The following GJC2 variants were observed in gnomAD, a reference collection of about 807,000 sequenced individuals.
GJC2 encodes the protein gap junction protein gamma 2, also known as gap junction gamma-2 protein.
For missense variants in GJC2, 647 were observed against 648.9 expected (o/e 1.00, Z 0.03); for synonymous variants, 336 against 307.5 (o/e 1.09, Z -0.97).
intron 1 of GJC2, among the ~76,000 whole-genome samples, chr1:228,156,745 C>G (rs2034684565): frequency 6.6e-6 from 1 of 152,220 alleles, no homozygotes; most frequent in Non-Finnish European, 1.5e-5. Flanking sequence ...AGGTACTGGC[C>G]CTGGGGCAAC....
In GJC2 at chr1:228,150,985, G is replaced by A. The variant is rs2034610769; in HGVS notation, c.-20+978G>A. Among the ~76,000 whole-genome samples the A allele has an allele frequency of 6.6e-6, 1 of 151,948 alleles. No individual in the cohort carries two copies. The highest frequency in any genetic ancestry group is 6.5e-5 in the Admixed American group (1 of 15,278). The stretch of plus-strand genomic sequence containing the variant: ...GAGGCTGGCCTGGGGAGCTGCCCAG[G>A]CTTCAGCGATGACACACTCCCAGCC... On this transcript the variant is annotated intron_variant, in intron 1 of 1. Transcript: ENST00000366714. This position sits in a 1 kb window ranked among gnomAD's most constrained non-coding sequence, Gnocchi z 4.6.
At position 228,158,030 on chromosome 1, in the gene GJC2, C is replaced by G; in HGVS notation, c.272C>G (p.Ser91Trp). The G allele has an allele frequency of 6.2e-7, 1 of 1,610,744 alleles. No homozygotes were observed. Among genetic ancestry groups the G allele is most frequent in the Non-Finnish European group, 8.5e-7 (1 of 1,179,530 alleles). ...CAGATTGTGGTCATCTCCACGCCCT[C>G]GGTCATGTACCTGGGCTACGCCGTG... is the stretch of plus-strand genomic sequence containing the variant. ...VFQIVVISTP[S>W]VMYLGYAVHR... Residue 91 changes from serine to tryptophan, a missense_variant, in exon 2 of 2, where the codon TCG (serine) becomes TGG (tryptophan). Physicochemically the swap from Ser to Trp is radical, Grantham distance 177. Transcript: ENST00000366714. The surrounding 1 kb of genome is among the most constrained non-coding windows in gnomAD (Gnocchi z 8.3).
At chr1:228,154,034 A>G (rs930768491) in intron 1 of GJC2, among the ~76,000 whole-genome samples, 3 of 152,098 alleles carry the variant, frequency 2.0e-5, no homozygotes, top group African/African-American at 7.2e-5. Context: ...GTTCTTATAG[A>G]CCTCACACCC....
rs543481065 is a variant in GJC2, at chr1:228,158,131, C to T, written c.373C>T (p.Arg125Ter). 2.4e-6 allele frequency: 3 copies of T among 1,253,962 alleles called. No individual in the cohort carries two copies. Among genetic ancestry groups the T allele is most frequent in the African/African-American group, 1.6e-5 (1 of 62,218 alleles). 77.7% of individuals were successfully genotyped at this position (1,253,962 alleles called of 1,614,324 possible). A position where few individuals can be genotyped will look rare whatever the true frequency, so the allele number is the denominator to read the frequency against. Residue 125 changes from arginine (R) to a stop codon, truncating the protein, a stop_gained, in exon 2 of 2, where the codon CGA (arginine) becomes TGA (stop). Coordinates refer to ENST00000366714, the MANE Select transcript of GJC2 (RefSeq NM_020435.4). LOFTEE classifies it low-confidence loss of function (END_TRUNC). The surrounding 1 kb of genome is among the most constrained non-coding windows in gnomAD (Gnocchi z 8.3). ...RRRPGPRRAP[R>*]AHLPPPHAGW... ...CCGCCCGGGGCCACGCCGCGCGCCC[C>T]GAGCGCACCTGCCGCCCCCGCACGC...
In GJC2 at chr1:228,158,778, C is replaced by A. The variant is rs1450786228; in HGVS notation, c.1020C>A (p.Ala340=). 7.1e-7 allele frequency: 1 copy of A among 1,414,020 alleles called. No individual in the cohort carries two copies. The allele number at this position is 1,414,020 out of a possible 1,614,324, so 87.6% of individuals were successfully genotyped here. A position where few individuals can be genotyped will look rare whatever the true frequency, so the allele number is the denominator to read the frequency against. ...PPDYSLVVRA[A]ERARAHDQNL... ...ACTACAGCCTGGTGGTGCGGGCGGC[C>A]GAGCGCGCTCGGGCGCATGACCAGA... is the stretch of plus-strand genomic sequence containing the variant. Residue 340 remains alanine, a synonymous_variant, in exon 2 of 2, where the codon GCC becomes GCA. Coordinates refer to ENST00000366714, the MANE Select transcript of GJC2 (RefSeq NM_020435.4). The surrounding 1 kb of genome is among the most constrained non-coding windows in gnomAD (Gnocchi z 8.3).
rs2034612689 is a variant in GJC2, at chr1:228,151,205, C to T, written c.-20+1198C>T. On this transcript the variant is annotated intron_variant, in intron 1 of 1. Transcript: ENST00000366714. This position sits in a 1 kb window ranked among gnomAD's most constrained non-coding sequence, Gnocchi z 5.4. ...GCTCCACGGGGGAGGAGGCACCAGC[C>T]TGGATGCTGCCTTGCCACCTGCACG... Among the ~76,000 whole-genome samples the T allele has an allele frequency of 6.6e-6, 1 of 152,090 alleles. No individual in the cohort carries two copies. Among genetic ancestry groups the T allele is most frequent in the African/African-American group, 2.4e-5 (1 of 41,412 alleles).
In GJC2 at chr1:228,159,139, T is replaced by C; in HGVS notation, c.*61T>C. 1.3e-6 allele frequency: 2 copies of C among 1,564,040 alleles called. No individual in the cohort carries two copies. Among genetic ancestry groups the C allele is most frequent in the Non-Finnish European group, 8.8e-7 (1 of 1,141,684 alleles). ...GGGTTGGGGGGCTCCGGTGGAAACC[T>C]GCGACCCCTTCTCCTCAGCCTTCTC... is the stretch of plus-strand genomic sequence containing the variant. On this transcript the variant is annotated 3_prime_UTR_variant, in exon 2 of 2. Coordinates refer to ENST00000366714, the MANE Select transcript of GJC2 (RefSeq NM_020435.4). This position sits in a 1 kb window ranked among gnomAD's most constrained non-coding sequence, Gnocchi z 4.0.
rs2034701652 is a variant in GJC2 at position 228,157,610 on chromosome 1, G to A, written c.-19-130G>A. The A allele has an allele frequency of 4.9e-6, 3 of 617,032 alleles. No individual in the cohort carries two copies. The Admixed American group carries it at 8.8e-5, about 18-fold the overall frequency. 38.2% of individuals were successfully genotyped at this position (617,032 alleles called of 1,614,324 possible). A position where few individuals can be genotyped will look rare whatever the true frequency, so the allele number is the denominator to read the frequency against. On this transcript the variant is annotated intron_variant, in intron 1 of 1. Transcript: ENST00000366714. Reference sequence around the variant, plus strand: ...GTGGGGGCTTCCACTTCCGTTTAAGGCGGTAAGCTCCACGTCATTGACTGT... The same window carrying A: ...GTGGGGGCTTCCACTTCCGTTTAAGACGGTAAGCTCCACGTCATTGACTGT...
chr1:228,156,005 G>A (rs375387895), intron 1 of GJC2, among the ~76,000 whole-genome samples: 2 of 152,346 alleles, frequency 1.3e-5, no homozygotes, highest in African/African-American at 4.8e-5. Flanking sequence ...GGTTCCTGTC[G>A]GGCTGGAATC....
rs1216914064 is a variant in GJC2, at chr1:228,157,980, G to C, written c.222G>C (p.Leu74=). 3 of 1,612,374 alleles carry C rather than the reference G, an allele frequency of 1.9e-6. No homozygotes were observed. Among genetic ancestry groups the C allele is most frequent in the Admixed American group, 3.3e-5 (2 of 59,978 alleles). Residue 74 remains leucine, a synonymous_variant, in exon 2 of 2, where the codon CTG becomes CTC. Transcript: ENST00000366714. ...DNVCYDAFAP[L]SHVRFWVFQI... ...TCTGCTATGACGCCTTCGCGCCCCT[G>C]TCGCACGTGCGCTTCTGGGTCTTCC...
At position 228,157,947 on chromosome 1, in the gene GJC2, C is replaced by T. The variant is rs2034707420; in HGVS notation, c.189C>T (p.Cys63=). 8 of 1,612,604 alleles carry T rather than the reference C, an allele frequency of 5.0e-6. No individual in the cohort carries two copies. Among genetic ancestry groups the T allele is most frequent in the African/African-American group, 1.3e-5 (1 of 74,926 alleles). ...CTTGCAACACGCGGCAGCCAGGCTGCGACAACGTCTGCTATGACGCCTTCG... is the reference window on the plus strand; with the variant it reads ...CTTGCAACACGCGGCAGCCAGGCTGTGACAACGTCTGCTATGACGCCTTCG... ...KFTCNTRQPG[C]DNVCYDAFAP... Residue 63 remains cysteine, a synonymous_variant, in exon 2 of 2, where the codon TGC becomes TGT. Transcript: ENST00000366714.
chr1:228,158,401 G>GC lies in GJC2; in HGVS notation c.646dup (p.Gln216ProfsTer48). 6.2e-7 allele frequency: 1 copy of GC among 1,605,688 alleles called. No individual in the cohort carries two copies. The highest frequency in any genetic ancestry group is 8.5e-7 in the Non-Finnish European group (1 of 1,179,380). On this transcript the variant is annotated frameshift_variant, in exon 2 of 2. Transcript: ENST00000366714. LOFTEE classifies it low-confidence loss of function (END_TRUNC). The surrounding 1 kb of genome is among the most constrained non-coding windows in gnomAD (Gnocchi z 8.3). The stretch of plus-strand genomic sequence containing the variant: ...GGAGGGCCTGATGCGCGTGTACGTG[G>GC]CCCAGCTGGTGGCCAGGGCAGCTTT...
At chr1:228,153,189 A>G (rs1298658597) in intron 1 of GJC2, among the ~76,000 whole-genome samples, 1 of 151,910 alleles carries the variant, frequency 6.6e-6, no homozygotes, top group Non-Finnish European at 1.5e-5. Flanking sequence ...CCTCTCTATC[A>G]TGGTCCTTTC....
In GJC2 at chr1:228,159,203, C is replaced by A; in HGVS notation, c.*125C>A. ...CTCAGGCAGACTCTGCCCAGAGGGG[C>A]AGCCAGGCTGCTCAGGGAAGGGGCT... On this transcript the variant is annotated 3_prime_UTR_variant, in exon 2 of 2. Transcript: ENST00000366714. The surrounding 1 kb of genome is among the most constrained non-coding windows in gnomAD (Gnocchi z 4.0). 1 of 1,145,594 alleles carries A rather than the reference C, an allele frequency of 8.7e-7. No homozygotes were observed. The highest frequency in any genetic ancestry group is 1.2e-6 in the Non-Finnish European group (1 of 800,746). 71.0% of individuals were successfully genotyped at this position (1,145,594 alleles called of 1,614,324 possible).
At chr1:228,154,272 G>A (rs751471949) in intron 1 of GJC2, among the ~76,000 whole-genome samples, 1 of 152,184 alleles carries the variant, frequency 6.6e-6, no homozygotes, top group Non-Finnish European at 1.5e-5. Context: ...TGTATGGGGT[G>A]TCCTCACTGT....
chr1:228,159,346 A>C lies in GJC2; in HGVS notation c.*268A>C. 1.9e-6 allele frequency: 1 copy of C among 528,248 alleles called. No individual in the cohort carries two copies. The highest frequency in any genetic ancestry group is 2.3e-5 in the South Asian group (1 of 42,608). 32.7% of individuals were successfully genotyped at this position (528,248 alleles called of 1,614,324 possible). ...GTCTGAACCCCAGGGGGAGTGGGGC[A>C]TTGACTCCACCCCTGTCCTGAGCTG... On this transcript the variant is annotated 3_prime_UTR_variant, in exon 2 of 2. Transcript: ENST00000366714. This position sits in a 1 kb window ranked among gnomAD's most constrained non-coding sequence, Gnocchi z 4.0.
rs770319458 is a variant in GJC2 at position 228,158,014 on chromosome 1, G to A, written c.256G>A (p.Val86Ile). The A allele has an allele frequency of 1.2e-6, 2 of 1,611,754 alleles. No individual in the cohort carries two copies. The highest frequency in any genetic ancestry group is 1.7e-6 in the Non-Finnish European group (2 of 1,179,664). ...HVRFWVFQIV[V>I]ISTPSVMYLG... ...GCGCTTCTGGGTCTTCCAGATTGTG[G>A]TCATCTCCACGCCCTCGGTCATGTA... Residue 86 changes from valine to isoleucine, a missense_variant, in exon 2 of 2, where the codon GTC (valine) becomes ATC (isoleucine). Physicochemically the swap from Val to Ile is conservative, Grantham distance 29. Coordinates refer to ENST00000366714, the MANE Select transcript of GJC2 (RefSeq NM_020435.4). The surrounding 1 kb of genome is among the most constrained non-coding windows in gnomAD (Gnocchi z 8.3).
At position 228,151,875 on chromosome 1, in the gene GJC2, G is replaced by A. The variant is rs1477857130; in HGVS notation, c.-20+1868G>A. On this transcript the variant is annotated intron_variant, in intron 1 of 1. Coordinates refer to ENST00000366714, the MANE Select transcript of GJC2 (RefSeq NM_020435.4). This position sits in a 1 kb window ranked among gnomAD's most constrained non-coding sequence, Gnocchi z 5.4. ...CCGTCCCAGGGCCTGGGCTGTCCAG[G>A]ACAGGCAGCTGGGGGCTCAGGCAGG... 6.6e-6 allele frequency among the ~76,000 whole-genome samples: 1 copy of A among 152,166 alleles called. No homozygotes were observed. Among genetic ancestry groups the A allele is most frequent in the African/African-American group, 2.4e-5 (1 of 41,428 alleles).
chr1:228,158,298 G>A lies in GJC2; in HGVS notation c.540G>A (p.Lys180=), dbSNP rs759727327. The A allele has an allele frequency of 2.5e-5, 38 of 1,540,294 alleles. 1 individual carries two copies. In the South Asian group the frequency reaches 3.3e-4, roughly 13 times the overall value. The change falls in exon 2 of 2, where the codon AAG becomes AAA. Residue 180 remains lysine, a synonymous_variant. Transcript: ENST00000366714. The surrounding 1 kb of genome is among the most constrained non-coding windows in gnomAD (Gnocchi z 8.3). Reference sequence around the variant, plus strand: ...CAGGCGCGGAGGAGGCGTGCACTAAGGCGGTCGGCGCTGACGGCAAGGCGG... The same window carrying A: ...CAGGCGCGGAGGAGGCGTGCACTAAAGCGGTCGGCGCTGACGGCAAGGCGG... The part of the protein sequence containing the change: ...EEAGAEEACT[K]AVGADGKAAG...
Sources: gnomAD v4.1 joint callset for allele counts (sites outside exome capture counted in the v4.1 genomes callset) on GRCh38, gnomAD v4.1.1 for gene constraint, Gnocchi (gnomAD v3.1) non-coding constraint, MANE v1.5 for transcripts, NCBI Gene and HGNC (gene_info 2026-07-23, HGNC 2026-07-21) for gene names.